The following SPEF2 variants were observed in gnomAD, a reference collection of about 807,000 sequenced individuals.
The protein encoded by SPEF2 is sperm flagellar and cilia associated 2.
A neutral mutation model predicts 224.6 loss-of-function variants in SPEF2; 187 were observed. That is an observed-to-expected ratio of 0.83 (90% confidence interval 0.74 to 0.94). The LOEUF is 0.94. Ranked by LOEUF, SPEF2 falls within the 40% of genes least tolerant of loss-of-function variation. The pLI is 0.00. For missense variants in SPEF2, 2,170 were observed against 2,135.6 expected (o/e 1.02, Z -0.32); for synonymous variants, 715 against 707.3 (o/e 1.01, Z -0.17).
chr5:35,765,258 A>G (rs1165227122), intron 26 of SPEF2, among the ~76,000 whole-genome samples: 1 of 152,020 alleles, frequency 6.6e-6, no homozygotes, highest in Non-Finnish European at 1.5e-5. Flanking sequence ...TCTTTGTGAG[A>G]TTCATCTTAT....
At chr5:35,732,425 A>T (rs933925538) in intron 21 of SPEF2, among the ~76,000 whole-genome samples, 49 of 152,288 alleles carry the variant, frequency 3.2e-4, no homozygotes, top group African/African-American at 1.1e-3. Flanking sequence ...AAGAGAGATT[A>T]TGACAAACTA....
At chr5:35,768,233 G>C (rs967007152) in intron 26 of SPEF2, among the ~76,000 whole-genome samples, 6 of 152,180 alleles carry the variant, frequency 3.9e-5, no homozygotes, top group Non-Finnish European at 8.8e-5. Context: ...TAGTGATGAC[G>C]TTAGTGACAA....
rs550178866 is a variant in SPEF2, at chr5:35,661,254, TTATA to T, written c.1167+2089_1167+2092del. ...AAGGAGGTTTTTTTTTTGGTATATA[TTATA>T]TATATATATATATATATATATATAT... On this transcript the variant is annotated intron_variant, in intron 8 of 36. Transcript: ENST00000356031. Among the ~76,000 whole-genome samples, 530 of 93,818 alleles carry T rather than the reference TTATA, an allele frequency of 5.6e-3. 1 individual carries two copies. Among genetic ancestry groups the T allele is most frequent in the East Asian group, 0.024 (79 of 3,340 alleles). 61.5% of individuals were successfully genotyped at this position (93,818 alleles called of 152,430 possible).
chr5:35,700,836 A>G (rs1738475627), intron 16 of SPEF2, 84 bp downstream of exon 16: 1 of 1,387,416 alleles, frequency 7.2e-7, no homozygotes, highest in Admixed American at 2.0e-5. Flanking sequence ...ATTTACAATT[A>G]TAAATGAGTA....
chr5:35,696,716 A>G (rs554338407), intron 14 of SPEF2, among the ~76,000 whole-genome samples: 1 of 152,330 alleles, frequency 6.6e-6, no homozygotes, highest in African/African-American at 2.4e-5. Context: ...TATGATATTG[A>G]AGATGATGAT....
At chr5:35,685,861 C>T (rs1433048550) in intron 10 of SPEF2, among the ~76,000 whole-genome samples, 2 of 130,874 alleles carry the variant, frequency 1.5e-5, no homozygotes, top group Admixed American at 1.5e-4. Flanking sequence ...ATACCTTCCT[C>T]AAAAAAAAAA....
At chr5:35,778,785 T>C (rs1753945494) in intron 29 of SPEF2, among the ~76,000 whole-genome samples, 1 of 152,196 alleles carries the variant, frequency 6.6e-6, no homozygotes, top group Admixed American at 6.5e-5. Context: ...GTATGAAATA[T>C]AACCCTTGAT....
chr5:35,752,519 A>T (rs2149725318), intron 23 of SPEF2, among the ~76,000 whole-genome samples: 1 of 151,182 alleles, frequency 6.6e-6, no homozygotes, highest in Non-Finnish European at 1.5e-5. Context: ...CTGGTCTTGA[A>T]CTCCTGGCCT....
intron 8 of SPEF2, among the ~76,000 whole-genome samples, chr5:35,665,638 AT>A (rs372441774): frequency 1.0e-4 from 15 of 150,120 alleles, no homozygotes; most frequent in East Asian, 3.9e-4. Context: ...CTCATGATCC[AT>A]TTTTTTTTGT....
chr5:35,792,498 C>T (rs765183432), intron 31 of SPEF2, 52 bp downstream of exon 31: 2 of 1,422,464 alleles, frequency 1.4e-6, no homozygotes, highest in South Asian at 1.2e-5. Flanking sequence ...CTTATTTGAT[C>T]AATGCATCAA....
intron 7 of SPEF2, among the ~76,000 whole-genome samples, chr5:35,656,266 G>C (rs538345418): frequency 6.6e-5 from 10 of 152,094 alleles, no homozygotes; most frequent in Admixed American, 6.5e-4. Context: ...CCCACGTCTG[G>C]TCTGCTTGTT....
intron 6 of SPEF2, among the ~76,000 whole-genome samples, chr5:35,650,523 C>A (rs1158052124): frequency 6.6e-6 from 1 of 152,162 alleles, no homozygotes; most frequent in Non-Finnish European, 1.5e-5. Flanking sequence ...CAGTTGGTGT[C>A]CACCAGAAAG....
chr5:35,737,904 T>C (rs1746901157), intron 21 of SPEF2, among the ~76,000 whole-genome samples: 1 of 152,180 alleles, frequency 6.6e-6, no homozygotes, highest in African/African-American at 2.4e-5. Context: ...ATGATTGCCA[T>C]TCTAACTGGT....
intron 15 of SPEF2, 113 bp from the exon 16 acceptor site, chr5:35,700,383 T>G: frequency 2.1e-6 from 2 of 939,510 alleles, no homozygotes; most frequent in South Asian, 3.4e-5. Context: ...GTAATGAAAT[T>G]CATGCAGTAG....
intron 18 of SPEF2, among the ~76,000 whole-genome samples, chr5:35,706,153 A>C (rs1301446880): frequency 6.6e-6 from 1 of 151,866 alleles, no homozygotes; most frequent in Non-Finnish European, 1.5e-5. Context: ...AGATATTTTT[A>C]AGTAAAAAAT....
intron 18 of SPEF2, 81 bp downstream of exon 18, chr5:35,705,889 T>C: frequency 1.1e-6 from 1 of 936,100 alleles, no homozygotes; most frequent in Non-Finnish European, 1.5e-6. Context: ...AATGAAGATG[T>C]GATTGAAAAG....
chr5:35,780,493 T>A lies in SPEF2; in HGVS notation c.4447+1147T>A, dbSNP rs576863045. ...AGCTGTGGAGGGACGGAGGTGCCAT[T>A]TGGCAGCATTTGGGCACGAAGGAAA... is the stretch of plus-strand genomic sequence containing the variant. On this transcript the variant is annotated intron_variant, in intron 30 of 36. Coordinates refer to ENST00000356031, the MANE Select transcript of SPEF2 (RefSeq NM_024867.4). Among the ~76,000 whole-genome samples, 11 of 152,204 alleles carry A rather than the reference T, an allele frequency of 7.2e-5. No homozygotes were observed. In the East Asian group the frequency reaches 1.6e-3, roughly 21 times the overall value.
intron 30 of SPEF2, chr5:35,790,072 A>G: frequency 1.4e-6 from 1 of 702,824 alleles, no homozygotes; most frequent in Admixed American, 2.0e-5. Flanking sequence ...AATTCCATTT[A>G]CTTACACAAG....
At chr5:35,711,121 C>T (rs1360329209) in intron 19 of SPEF2, among the ~76,000 whole-genome samples, 1 of 152,124 alleles carries the variant, frequency 6.6e-6, no homozygotes, top group Non-Finnish European at 1.5e-5. Context: ...ATTTTTAGAA[C>T]TGAAAGCCTG....
Sources: gnomAD v4.1 joint callset for allele counts (sites outside exome capture counted in the v4.1 genomes callset) on GRCh38, gnomAD v4.1.1 for gene constraint, MANE v1.5 for transcripts, NCBI Gene and HGNC (gene_info 2026-07-23, HGNC 2026-07-21) for gene names.